Variants in DSE observed in about 807,000 individuals in gnomAD.
DSE encodes the protein dermatan-sulfate epimerase.
A neutral mutation model predicts 84.4 loss-of-function variants in DSE; 36 were observed. The ratio of observed to expected loss-of-function variants is 0.43; its 90% confidence interval spans 0.33 to 0.56. The LOEUF (loss-of-function observed/expected upper bound fraction) is 0.56. Among genes scored for constraint, DSE ranks in the 20% least tolerant of loss-of-function variants. The pLI is 0.06. For missense variants in DSE, 862 were observed against 1,169.6 expected (o/e 0.74, Z 3.84); for synonymous variants, 410 against 430.1 (o/e 0.95, Z 0.58).
At chr6:116,273,834 G>GTTTTTTTTT (rs35845513) in intron 2 of DSE, among the ~76,000 whole-genome samples, 1 of 136,944 alleles carries the variant, frequency 7.3e-6, no homozygotes. Context: ...ATGTTTTTTT[G>GTTTTTTTTT]TTTTTTTTTT....
chr6:116,321,409 T>G (rs1464272640), intron 2 of DSE, among the ~76,000 whole-genome samples: 7 of 88,610 alleles, frequency 7.9e-5, no homozygotes, highest in African/African-American at 3.7e-4. Flanking sequence ...CCTGGCCTCA[T>G]GCAGTCCTCT....
intron 2 of DSE, among the ~76,000 whole-genome samples, chr6:116,321,070 A>G (rs1437563560): frequency 6.6e-6 from 1 of 152,216 alleles, no homozygotes; most frequent in Non-Finnish European, 1.5e-5. Flanking sequence ...TTAGAAAAGC[A>G]GTTCTGCAAC....
chr6:116,399,726 A>T, intron 2 of DSE, 60 bp downstream of exon 2: 1 of 1,505,596 alleles, frequency 6.6e-7, no homozygotes, highest in East Asian at 2.3e-5. Flanking sequence ...AAACAAATCC[A>T]TATGACATCT....
chr6:116,257,387 C>A (rs1027346595), intron 1 of DSE: 6 of 152,224 alleles, frequency 3.9e-5, no homozygotes, highest in African/African-American at 1.4e-4. Flanking sequence ...TATTCTGCAA[C>A]CTTACACAAC....
intron 2 of DSE, among the ~76,000 whole-genome samples, chr6:116,347,473 C>A (rs1248527345): frequency 6.6e-6 from 1 of 152,124 alleles, no homozygotes; most frequent in Non-Finnish European, 1.5e-5. Context: ...GAACAGAGCC[C>A]TCAGAAATAA....
At chr6:116,341,716 G>A (rs1451376695) in intron 2 of DSE, among the ~76,000 whole-genome samples, 2 of 152,204 alleles carry the variant, frequency 1.3e-5, no homozygotes, top group East Asian at 3.8e-4. Flanking sequence ...CATTTGGCTA[G>A]CCAGTTTTCC....
chr6:116,302,322 G>T (rs1337827604), intron 2 of DSE, among the ~76,000 whole-genome samples: 1 of 152,078 alleles, frequency 6.6e-6, no homozygotes. Context: ...TTTAATGATC[G>T]CCATTCTAGC....
rs149681909 is a variant in DSE at position 116,427,352 on chromosome 6, A to T, written c.670+525A>T. Among the ~76,000 whole-genome samples, 495 of 152,336 alleles carry T rather than the reference A, an allele frequency of 3.2e-3. 6 individuals are homozygous for T. Among genetic ancestry groups the T allele is most frequent in the East Asian group, 0.022 (112 of 5,186 alleles). On this transcript the variant is annotated intron_variant, in intron 3 of 5. Transcript: ENST00000644252. ...AACATATTGCATAATTGCCAATAAT[A>T]CATTTTCTTTGTTCTTTTAACTCTA...
At chr6:116,327,190 G>A (rs562066710) in intron 2 of DSE, among the ~76,000 whole-genome samples, 1 of 152,156 alleles carries the variant, frequency 6.6e-6, no homozygotes, top group Non-Finnish European at 1.5e-5. Flanking sequence ...TTCTGCTCCA[G>A]AACAAACTCT....
At chr6:116,426,858 G>A in intron 3 of DSE, 31 bp downstream of exon 3, 1 of 1,582,370 alleles carries the variant, frequency 6.3e-7, no homozygotes. Flanking sequence ...GGTGATGCCT[G>A]AGCTGACGGA....
Position 116,437,445 on chromosome 6 carries a change from T to G in DSE, c.*100T>G. On this transcript the variant is annotated 3_prime_UTR_variant, in exon 6 of 6. Coordinates refer to ENST00000644252, the MANE Select transcript of DSE (RefSeq NM_013352.4). Reference sequence around the variant, plus strand: ...GATTATCAGATTTTTTTCCCTCAGATTCATTTTAACAAATTAAGGGAAGAT... The same window carrying G: ...GATTATCAGATTTTTTTCCCTCAGAGTCATTTTAACAAATTAAGGGAAGAT... 1 of 1,136,170 alleles carries G rather than the reference T, an allele frequency of 8.8e-7. No homozygotes were observed. Among genetic ancestry groups the G allele is most frequent in the Non-Finnish European group, 1.2e-6 (1 of 831,846 alleles). 70.4% of individuals were successfully genotyped at this position (1,136,170 alleles called of 1,614,324 possible). A position where few individuals can be genotyped will look rare whatever the true frequency, so the allele number is the denominator to read the frequency against.
intron 2 of DSE, among the ~76,000 whole-genome samples, chr6:116,415,510 G>T (rs1313928070): frequency 3.3e-5 from 5 of 149,716 alleles, no homozygotes. Context: ...GATATATTTG[G>T]ATCTCCTTTT....
intron 1 of DSE, among the ~76,000 whole-genome samples, chr6:116,392,059 A>G (rs1240762647): frequency 6.6e-6 from 1 of 152,240 alleles, no homozygotes; most frequent in Non-Finnish European, 1.5e-5. Context: ...CTTTTAAAAT[A>G]TATGCATTTT....
chr6:116,288,260 A>C (rs960138961), intron 2 of DSE: 1 of 152,124 alleles, frequency 6.6e-6, no homozygotes, highest in Non-Finnish European at 1.5e-5. Flanking sequence ...AAATGAAATA[A>C]GATATATATA....
rs1389025892 is a variant in DSE, at chr6:116,436,751, G to A, written c.2283G>A (p.Leu761=). Residue 761 remains leucine (L), a synonymous_variant, in exon 6 of 6, where the codon CTG becomes CTA. Coordinates refer to ENST00000644252, the MANE Select transcript of DSE (RefSeq NM_013352.4). ...TTCAGCTGCTGGAGAAGCAGATACT[G>A]TCCCGAGTCCGGAACACAGCTAGCT... ...PVFQLLEKQI[L]SRVRNTASFR... 6.2e-7 allele frequency: 1 copy of A among 1,614,150 alleles called. No homozygotes were observed. The highest frequency in any genetic ancestry group is 2.2e-5 in the East Asian group (1 of 44,882).
chr6:116,279,360 T>A (rs560519255), intron 2 of DSE: 3 of 1,612,012 alleles, frequency 1.9e-6, no homozygotes, highest in East Asian at 2.2e-5. Context: ...CGCACTTTCC[T>A]GTCTTCACCT....
At position 116,415,599 on chromosome 6, in the gene DSE, C is replaced by CTT. The variant is rs577156045; in HGVS notation, c.417-10964_417-10963dup. Among the ~76,000 whole-genome samples, 1,273 of 132,426 alleles carry CTT rather than the reference C, an allele frequency of 9.6e-3. 28 individuals are homozygous for CTT. Among genetic ancestry groups the CTT allele is most frequent in the African/African-American group, 0.031 (1,142 of 36,402 alleles). 86.9% of individuals were successfully genotyped at this position (132,426 alleles called of 152,430 possible). ...ATGTTTAACCTCTTGGGCCAGTCCT[C>CTT]TTTTTTTTTTTTCCTCTGCTGTTTT... On this transcript the variant is annotated intron_variant, in intron 2 of 5. Coordinates refer to ENST00000644252, the MANE Select transcript of DSE (RefSeq NM_013352.4).
At position 116,322,250 on chromosome 6, in the gene DSE, G is replaced by C. The variant is rs111365756; in HGVS notation, c.-54+63283G>C. 4.6e-5 allele frequency among the ~76,000 whole-genome samples: 7 copies of C among 152,210 alleles called. No homozygotes were observed. In the East Asian group the frequency reaches 1.4e-3, roughly 29 times the overall value. On this transcript the variant is annotated intron_variant, in intron 2 of 3. Transcript: ENST00000430252. Reference sequence around the variant, plus strand: ...TAACATAACCGATTAGGTCGGGGTCGATCTTTAACTACCAGGCCCAGGGTG... The same window carrying C: ...TAACATAACCGATTAGGTCGGGGTCCATCTTTAACTACCAGGCCCAGGGTG...
chr6:116,369,950 AC>A (rs1254542647), upstream of DSE: 1 of 1,289,168 alleles, frequency 7.8e-7, no homozygotes, highest in Admixed American at 2.3e-5. Context: ...CAAATCTTTC[AC>A]TTCTGTACAA....
Sources: allele counts gnomAD v4.1 joint callset (sites outside exome capture counted in the v4.1 genomes callset), GRCh38; gene constraint gnomAD v4.1.1; transcripts MANE v1.5; gene names NCBI Gene and HGNC (gene_info 2026-07-23, HGNC 2026-07-21).